Variants in COL8A2 observed in about 807,000 individuals in gnomAD.
The protein encoded by COL8A2 is collagen type VIII alpha 2 chain.
COL8A2 carries 16 observed loss-of-function variants against 24.0 expected under a neutral mutation model. That is an observed-to-expected ratio of 0.67 (90% CI 0.45 to 1.01). COL8A2 has a LOEUF of 1.01. Among genes scored for constraint, COL8A2 ranks in the 50% least tolerant of loss-of-function variants. COL8A2 has a pLI of 0.00. For missense variants in COL8A2, 818 were observed against 942.4 expected (o/e 0.87, Z 1.73); for synonymous variants, 466 against 424.5 (o/e 1.10, Z -1.20).
At chr1:36,106,899 T>G (rs1406822974) in intron 2 of COL8A2, among the ~76,000 whole-genome samples, 1 of 152,106 alleles carries the variant, frequency 6.6e-6, no homozygotes, top group East Asian at 1.9e-4. Flanking sequence ...TGAGGTCAGG[T>G]CTGATGCCAG....
rs1236497717 is a variant in COL8A2 at position 36,098,703 on chromosome 1, G to A, written c.978C>T (p.Asp326=). The change falls in exon 4 of 4, where the codon GAC becomes GAT. Residue 326 remains aspartate, a synonymous_variant. Transcript: ENST00000397799. ...GTCCTGGGACCCCAGCTGGGCCCCT[G>A]TCCCCCTTGGGGCCTGGCAGTCCTG... The part of the protein sequence containing the change: ...GMPGLPGPKG[D]RGPAGVPGLL... 3 of 1,609,154 alleles carry A rather than the reference G, an allele frequency of 1.9e-6. No homozygotes were observed. The highest frequency in any genetic ancestry group is 2.5e-6 in the Non-Finnish European group (3 of 1,178,528).
In COL8A2 at chr1:36,098,094, G is replaced by C. The variant is rs1367227082; in HGVS notation, c.1587C>G (p.Pro529=). The change falls in exon 4 of 4, where the codon CCC becomes CCG. Residue 529 remains proline, a synonymous_variant. Coordinates refer to ENST00000397799, the MANE Select transcript of COL8A2 (RefSeq NM_005202.4). ...CATCGAAGGCCCCAGGGGCACCAGG[G>C]GGTCCCGGGGGCCCGGGAGGCCCCG... ...GPPGPPGPPG[P]PGAPGAFDET... 1 of 1,528,896 alleles carries C rather than the reference G, an allele frequency of 6.5e-7. No individual in the cohort carries two copies. The highest frequency in any genetic ancestry group is 8.7e-7 in the Non-Finnish European group (1 of 1,147,130). The allele number at this position is 1,528,896 out of a possible 1,614,324, so 94.7% of individuals were successfully genotyped here.
chr1:36,113,477 C>T (rs541880294), intron 2 of COL8A2, among the ~76,000 whole-genome samples: 1 of 152,372 alleles, frequency 6.6e-6, no homozygotes, highest in African/African-American at 2.4e-5. Flanking sequence ...CTGTTAACGT[C>T]AGGTCTGGGT....
rs777263175 is a variant in COL8A2 at position 36,098,496 on chromosome 1, G to T, written c.1185C>A (p.Asp395Glu). The T allele has an allele frequency of 6.3e-6, 10 of 1,585,100 alleles. No homozygotes were observed. Among genetic ancestry groups the T allele is most frequent in the Non-Finnish European group, 8.6e-6 (10 of 1,166,364 alleles). ...GPPGVPGIRG[D>E]QGPSGLAGKP... ...TCCCAGCCAGGCCACTAGGCCCCTG[G>T]TCACCTCGAATGCCAGGCACTCCTG... The change falls in exon 4 of 4, where the codon GAC becomes GAA. Residue 395 changes from aspartate to glutamate, a missense_variant. This residue lies in a region of COL8A2 where 573 missense variants were observed against 616.8 expected (regional missense o/e 0.93). Transcript: ENST00000397799.
chr1:36,107,768 C>T (rs1319504804), intron 2 of COL8A2, among the ~76,000 whole-genome samples: 2 of 152,142 alleles, frequency 1.3e-5, no homozygotes, highest in African/African-American at 4.8e-5. Context: ...TCTGAGCCCC[C>T]TGCCCACCTG....
At chr1:36,105,655 A>T (rs1643747712) in intron 2 of COL8A2, among the ~76,000 whole-genome samples, 1 of 152,166 alleles carries the variant, frequency 6.6e-6, no homozygotes, top group Non-Finnish European at 1.5e-5. Context: ...TGTTTTAGAG[A>T]TGAGGAAACT....
intron 1 of COL8A2, among the ~76,000 whole-genome samples, chr1:36,124,505 CTTGTCT>C: frequency 6.6e-6 from 1 of 152,114 alleles, no homozygotes; most frequent in Non-Finnish European, 1.5e-5. Context: ...TTCCTGGGAA[CTTGTCT>C]TCAGTTTGGG....
At chr1:36,122,070 A>G (rs764809238) in intron 1 of COL8A2, among the ~76,000 whole-genome samples, 9 of 152,192 alleles carry the variant, frequency 5.9e-5, no homozygotes, top group Non-Finnish European at 1.2e-4. Flanking sequence ...ATCTGAATAG[A>G]AGCACGGCCA....
At position 36,099,061 on chromosome 1, in the gene COL8A2, T is replaced by TC; in HGVS notation, c.619dup (p.Asp207GlyfsTer2). 1 of 1,505,764 alleles carries TC rather than the reference T, an allele frequency of 6.6e-7. No individual in the cohort carries two copies. The highest frequency in any genetic ancestry group is 8.9e-7 in the Non-Finnish European group (1 of 1,129,810). 93.3% of individuals were successfully genotyped at this position (1,505,764 alleles called of 1,614,324 possible). A position where few individuals can be genotyped will look rare whatever the true frequency, so the allele number is the denominator to read the frequency against. On this transcript the variant is annotated frameshift_variant, in exon 4 of 4. Coordinates refer to ENST00000397799, the MANE Select transcript of COL8A2 (RefSeq NM_005202.4). LOFTEE classifies it low-confidence loss of function (END_TRUNC). ...CAGCCCGGGCTGGCCCACTCCATTATCCCCCTTGAGGCCTCGATCACCTGG... is the reference window on the plus strand; with the variant it reads ...CAGCCCGGGCTGGCCCACTCCATTATCCCCCCTTGAGGCCTCGATCACCTGG...
intron 1 of COL8A2, among the ~76,000 whole-genome samples, chr1:36,120,640 C>G (rs1643905588): frequency 6.6e-6 from 1 of 151,204 alleles, no homozygotes; most frequent in African/African-American, 2.4e-5. Context: ...CCCAGCTACT[C>G]AGGAGGCTGA....
chr1:36,110,309 A>C (rs1643822068), intron 2 of COL8A2, among the ~76,000 whole-genome samples: 3 of 148,836 alleles, frequency 2.0e-5, no homozygotes, highest in Admixed American at 2.0e-4. Flanking sequence ...GATCTAAGCC[A>C]CCAGTCCCTC....
chr1:36,099,395 AGCCAGGGGG>A lies in COL8A2; in HGVS notation c.277_285del (p.Pro93_Gly95del). ...TTTCCCATGCCTGGTTTTCCTGGGA[AGCCAGGGGG>A]GCCAGGGGGACCCCGAGGCCCGGGC... is the stretch of plus-strand genomic sequence containing the variant. On this transcript the variant is annotated inframe_deletion, in exon 4 of 4. Coordinates refer to ENST00000397799, the MANE Select transcript of COL8A2 (RefSeq NM_005202.4). The A allele has an allele frequency of 6.5e-7, 1 of 1,547,870 alleles. No individual in the cohort carries two copies. Among genetic ancestry groups the A allele is most frequent in the Non-Finnish European group, 8.7e-7 (1 of 1,150,254 alleles).
At position 36,123,483 on chromosome 1, in the gene COL8A2, C is replaced by A. The variant is rs1039859806; in HGVS notation, c.-62+1574G>T. On this transcript the variant is annotated intron_variant, in intron 1 of 3. Transcript: ENST00000397799. The surrounding 1 kb of genome is among the most constrained non-coding windows in gnomAD (Gnocchi z 4.1). ...CTCTGAGCCAAAGAGCGGAAATTCTCATTTTCACTGTGGTAGACGAAGTGA... is the reference window on the plus strand; with the variant it reads ...CTCTGAGCCAAAGAGCGGAAATTCTAATTTTCACTGTGGTAGACGAAGTGA... Among the ~76,000 whole-genome samples the A allele has an allele frequency of 5.3e-5, 8 of 152,212 alleles. No individual in the cohort carries two copies. Among genetic ancestry groups the A allele is most frequent in the African/African-American group, 1.9e-4 (8 of 41,458 alleles).
At chr1:36,114,871 A>AG (rs1643871658) in intron 2 of COL8A2, among the ~76,000 whole-genome samples, 1 of 51,494 alleles carries the variant, frequency 1.9e-5, no homozygotes, top group Non-Finnish European at 3.8e-5. Flanking sequence ...TCTGGGCTGG[A>AG]GGGGGCTTGG....
rs1570028817 is a variant in COL8A2 at position 36,099,399 on chromosome 1, A to G, written c.282T>C (p.Pro94=). Residue 94 remains proline (P), a synonymous_variant, in exon 4 of 4, where the codon CCT becomes CCC. Coordinates refer to ENST00000397799, the MANE Select transcript of COL8A2 (RefSeq NM_005202.4). ...KPGPRGPPGP[P]GFPGKPGMGK... ...CCATGCCTGGTTTTCCTGGGAAGCC[A>G]GGGGGGCCAGGGGGACCCCGAGGCC... The G allele has an allele frequency of 4.5e-6, 7 of 1,552,804 alleles. No homozygotes were observed. Among genetic ancestry groups the G allele is most frequent in the African/African-American group, 4.1e-5 (3 of 73,216 alleles).
chr1:36,098,085 G>A lies in COL8A2; in HGVS notation c.1596C>T (p.Ala532=). The change falls in exon 4 of 4, where the codon GCC becomes GCT. Residue 532 remains alanine (A), a synonymous_variant. Transcript: ENST00000397799. Reference sequence around the variant, plus strand: ...TGCCAGTCTCATCGAAGGCCCCAGGGGCACCAGGGGGTCCCGGGGGCCCGG... The same window carrying A: ...TGCCAGTCTCATCGAAGGCCCCAGGAGCACCAGGGGGTCCCGGGGGCCCGG... ...GPPGPPGPPG[A]PGAFDETGIA... is the part of the protein sequence containing the mutation. 1 of 1,546,816 alleles carries A rather than the reference G, an allele frequency of 6.5e-7. No individual in the cohort carries two copies.
At chr1:36,111,971 G>A (rs1378960118) in intron 2 of COL8A2, among the ~76,000 whole-genome samples, 1 of 152,024 alleles carries the variant, frequency 6.6e-6, no homozygotes, top group Non-Finnish European at 1.5e-5. Flanking sequence ...CCAAAAATCT[G>A]AGCATCACTT....
intron 2 of COL8A2, among the ~76,000 whole-genome samples, chr1:36,107,327 C>A (rs1195795715): frequency 6.6e-6 from 1 of 151,854 alleles, no homozygotes; most frequent in African/African-American, 2.4e-5. Context: ...TTGCTTGAGC[C>A]TGTGAGTTTG....
rs1643873409 is a variant in COL8A2, at chr1:36,115,206, C to A, written c.-17+502G>T. On this transcript the variant is annotated intron_variant, in intron 2 of 3. Coordinates refer to ENST00000397799, the MANE Select transcript of COL8A2 (RefSeq NM_005202.4). This position sits in a 1 kb window ranked among gnomAD's most constrained non-coding sequence, Gnocchi z 5.7. ...CATCCGAGGGCCCCTACAGACCCAGCCACCCCCAGGCCTCAGGCAGGGGCA... is the reference window on the plus strand; with the variant it reads ...CATCCGAGGGCCCCTACAGACCCAGACACCCCCAGGCCTCAGGCAGGGGCA... Among the ~76,000 whole-genome samples the A allele has an allele frequency of 6.6e-6, 1 of 152,168 alleles. No homozygotes were observed. The highest frequency in any genetic ancestry group is 2.4e-5 in the African/African-American group (1 of 41,442).
Sources: gnomAD v4.1 joint callset for allele counts (sites outside exome capture counted in the v4.1 genomes callset) on GRCh38, gnomAD v4.1.1 for gene constraint, gnomAD v4.1.1 regional missense constraint, Gnocchi (gnomAD v3.1) non-coding constraint, MANE v1.5 for transcripts, NCBI Gene and HGNC (gene_info 2026-07-23, HGNC 2026-07-21) for gene names.